Variants in DENND5A observed in about 807,000 individuals in gnomAD.
The protein encoded by DENND5A is DENN domain-containing protein 5A.
DENND5A carries 64 observed loss-of-function variants against 140.3 expected under a neutral mutation model. That is an observed-to-expected ratio of 0.46 (90% CI 0.37 to 0.56). The LOEUF (loss-of-function observed/expected upper bound fraction) is 0.56, where lower values mean the gene tolerates loss of function less well. DENND5A is among the 20% of genes least tolerant of loss of function. The pLI is 0.00. For missense variants in DENND5A, 1,292 were observed against 1,593.8 expected (o/e 0.81, Z 3.22); for synonymous variants, 605 against 607.7 (o/e 1.00, Z 0.07).
intron 8 of DENND5A, chr11:9,175,787 G>A (rs995198702): frequency 6.6e-6 from 1 of 152,060 alleles, no homozygotes; most frequent in Non-Finnish European, 1.5e-5. Context: ...AAAAATGGAC[G>A]CATAACTTAT....
In DENND5A at chr11:9,228,124, A is replaced by AAAC. The variant is rs1195064327; in HGVS notation, c.110-20493_110-20492insGTT. ...AGACTCCATCTCAAAAAAAAAAAAA[A>AAAC]AAAAAAAACTTACATTTGGTCTTAG... On this transcript the variant is annotated intron_variant, in intron 1 of 22. Transcript: ENST00000328194. Among the ~76,000 whole-genome samples, 4 of 151,346 alleles carry AAAC rather than the reference A, an allele frequency of 2.6e-5. No homozygotes were observed. The East Asian group carries it at 5.8e-4, about 22-fold the overall frequency.
intron 4 of DENND5A, among the ~76,000 whole-genome samples, chr11:9,194,980 G>A (rs542077426): frequency 2.0e-5 from 3 of 148,038 alleles, no homozygotes; most frequent in African/African-American, 5.0e-5. Context: ...GCCTCCCAAA[G>A]TGCTGGGATT....
intron 13 of DENND5A, among the ~76,000 whole-genome samples, chr11:9,152,094 A>G (rs1211806762): frequency 6.6e-6 from 1 of 152,210 alleles, no homozygotes; most frequent in Non-Finnish European, 1.5e-5. Flanking sequence ...AGTAAAACCC[A>G]TATTCATTCT....
chr11:9,145,743 A>G lies in DENND5A; in HGVS notation c.2930T>C (p.Ile977Thr). 3 of 1,614,170 alleles carry G rather than the reference A, an allele frequency of 1.9e-6. No individual in the cohort carries two copies. The highest frequency in any genetic ancestry group is 1.7e-6 in the Non-Finnish European group (2 of 1,180,000). ...GGSMFTANPW[I>T]CISGELGETQ... Reference sequence around the variant, plus strand: ...CTCACCCAATTCTCCTGATATACAGATCCATGGGTTGGCAGTGAACATGGA... The same window carrying G: ...CTCACCCAATTCTCCTGATATACAGGTCCATGGGTTGGCAGTGAACATGGA... Residue 977 changes from isoleucine to threonine, a missense_variant, in exon 17 of 23, where the codon ATC becomes ACC. This residue lies in a region of DENND5A where 498 missense variants were observed against 689.7 expected (regional missense o/e 0.72). Coordinates refer to ENST00000328194, the MANE Select transcript of DENND5A (RefSeq NM_015213.4).
chr11:9,145,349 C>T, intron 17 of DENND5A: 1 of 585,904 alleles, frequency 1.7e-6, no homozygotes, highest in Non-Finnish European at 3.0e-6. Flanking sequence ...GCAAGAGATT[C>T]TGGAAGTGGG....
At chr11:9,258,322 T>G (rs552279363) in intron 1 of DENND5A, among the ~76,000 whole-genome samples, 1 of 97,462 alleles carries the variant, frequency 1.0e-5, no homozygotes, top group East Asian at 3.5e-4. Flanking sequence ...TTCCCCTCCC[T>G]ACATCCATGT....
chr11:9,208,410 T>TA (rs1224844217), intron 1 of DENND5A, among the ~76,000 whole-genome samples: 2 of 152,178 alleles, frequency 1.3e-5, no homozygotes, highest in African/African-American at 4.8e-5. Flanking sequence ...AAGGGACTTG[T>TA]GGTTATTAAG....
chr11:9,176,113 A>G (rs890857209), intron 8 of DENND5A, among the ~76,000 whole-genome samples: 1 of 152,228 alleles, frequency 6.6e-6, no homozygotes, highest in Non-Finnish European at 1.5e-5. Context: ...TCCTTTTGGC[A>G]AAGGCTTGAG....
At chr11:9,201,392 A>AAAT (rs1554924382) in intron 4 of DENND5A, among the ~76,000 whole-genome samples, 17 of 150,870 alleles carry the variant, frequency 1.1e-4, no homozygotes, top group Admixed American at 2.0e-4. Flanking sequence ...AAAAAAAAAA[A>AAAT]TTTTAAGGCT....
chr11:9,169,503 A>ACACACACC, intron 10 of DENND5A, among the ~76,000 whole-genome samples: 2 of 148,438 alleles, frequency 1.3e-5, no homozygotes, highest in Middle Eastern at 3.4e-3. Context: ...ACGCACACAC[A>ACACACACC]CACACACACA....
intron 1 of DENND5A, among the ~76,000 whole-genome samples, chr11:9,257,932 A>G (rs1852021635): frequency 6.6e-6 from 1 of 151,730 alleles, no homozygotes; most frequent in Non-Finnish European, 1.5e-5. Flanking sequence ...AGCTGGGATT[A>G]TAGGTGTGTG....
At chr11:9,151,569 A>G (rs1847616710) in intron 13 of DENND5A, among the ~76,000 whole-genome samples, 3 of 152,214 alleles carry the variant, frequency 2.0e-5, no homozygotes, top group Admixed American at 2.0e-4. Flanking sequence ...TTTTTACCCC[A>G]TTTAACTCAC....
intron 1 of DENND5A, among the ~76,000 whole-genome samples, chr11:9,244,340 AG>A (rs1851372536): frequency 6.6e-6 from 1 of 152,098 alleles, no homozygotes; most frequent in Non-Finnish European, 1.5e-5. Flanking sequence ...AATGGGATTA[AG>A]GCCTTTTTTA....
intron 1 of DENND5A, among the ~76,000 whole-genome samples, chr11:9,236,330 G>A (rs750395444): frequency 7.2e-5 from 11 of 152,012 alleles, no homozygotes; most frequent in East Asian, 3.9e-4. Flanking sequence ...TCAGGAGTTC[G>A]AGATCAGCCT....
chr11:9,179,628 T>G lies in DENND5A; in HGVS notation c.1456-555A>C, dbSNP rs187030016. On this transcript the variant is annotated intron_variant, in intron 6 of 22. Transcript: ENST00000328194. ...GATTCTCCTACCTCACCCTCCCCAG[T>G]AGCTGGGATTACAGGCATGCGCCAC... is the stretch of plus-strand genomic sequence containing the variant. Among the ~76,000 whole-genome samples the G allele has an allele frequency of 4.2e-3, 634 of 152,094 alleles. 6 individuals carry two copies. The highest frequency in any genetic ancestry group is 0.014 in the African/African-American group (600 of 41,514).
intron 1 of DENND5A, among the ~76,000 whole-genome samples, chr11:9,244,510 C>T (rs1014919755): frequency 1.3e-5 from 2 of 152,168 alleles, no homozygotes; most frequent in African/African-American, 4.8e-5. Context: ...GCTGGGATTA[C>T]AGGCATGTGC....
At chr11:9,257,730 C>T (rs533785281) in intron 1 of DENND5A, among the ~76,000 whole-genome samples, 1 of 151,894 alleles carries the variant, frequency 6.6e-6, no homozygotes, top group Non-Finnish European at 1.5e-5. Context: ...GATCCGCCCA[C>T]CCCGGCCTCC....
chr11:9,240,608 G>A (rs560717664), intron 1 of DENND5A, among the ~76,000 whole-genome samples: 9 of 152,048 alleles, frequency 5.9e-5, no homozygotes, highest in East Asian at 1.9e-4. Flanking sequence ...TACTCAGGAC[G>A]ATGAGGTGGG....
chr11:9,248,052 A>T (rs1203509664), intron 1 of DENND5A, among the ~76,000 whole-genome samples: 2 of 152,054 alleles, frequency 1.3e-5, no homozygotes, highest in African/African-American at 4.8e-5. Context: ...CAGTGGCTTG[A>T]TCTCACTGCA....
Sources: allele counts gnomAD v4.1 joint callset (sites outside exome capture counted in the v4.1 genomes callset), GRCh38; gene constraint gnomAD v4.1.1; regional missense constraint gnomAD v4.1.1; transcripts MANE v1.5; gene names NCBI Gene and HGNC (gene_info 2026-07-23, HGNC 2026-07-21).